Variants in FOXP2 observed in about 807,000 individuals in gnomAD.
FOXP2 encodes forkhead box protein P2.
A neutral mutation model predicts 115.8 loss-of-function variants in FOXP2; 12 were observed. That is an observed-to-expected ratio of 0.10 (90% confidence interval 0.07 to 0.17). FOXP2 has a LOEUF of 0.17. FOXP2 is among the 10% of genes least tolerant of loss of function. The pLI, the probability that FOXP2 is intolerant of heterozygous loss-of-function variation, is 1.00. For synonymous variants in FOXP2, 328 were observed against 297.7 expected, an observed-to-expected ratio of 1.10 and a Z score of -1.05; for missense variants, 629 against 843.5, an observed-to-expected ratio of 0.75 and a Z score of 3.15.
At position 114,572,380 on chromosome 7, in the gene FOXP2, T is replaced by C. The variant is rs369067453; in HGVS notation, c.258+37674T>C. ...AGTATTTGGTCCCCCTAAGCTTTTT[T>C]GTAACAACATTTGAAAGAAAAATAG... On this transcript the variant is annotated intron_variant, in intron 3 of 16. Transcript: ENST00000350908. 1.1e-4 allele frequency among the ~76,000 whole-genome samples: 17 copies of C among 151,876 alleles called. No individual in the cohort carries two copies. In the East Asian group the frequency reaches 2.7e-3, roughly 24 times the overall value.
intron 2 of FOXP2, among the ~76,000 whole-genome samples, chr7:114,387,037 T>A (rs554119915): frequency 6.6e-6 from 1 of 152,344 alleles, no homozygotes; most frequent in African/African-American, 2.4e-5. Flanking sequence ...TACCCAGTCT[T>A]CTGTGACACA....
At chr7:114,187,974 A>C (rs1392037841) in intron 1 of FOXP2, among the ~76,000 whole-genome samples, 2 of 152,132 alleles carry the variant, frequency 1.3e-5, no homozygotes, top group Non-Finnish European at 2.9e-5. Flanking sequence ...TCATGGCCTA[A>C]TCACCTCTTA....
At chr7:114,114,571 T>G (rs1791354815) in intron 1 of FOXP2, among the ~76,000 whole-genome samples, 1 of 152,152 alleles carries the variant, frequency 6.6e-6, no homozygotes, top group South Asian at 2.1e-4. Flanking sequence ...TCTGTTTGTT[T>G]TTTTTCTCCA....
intron 8 of FOXP2, among the ~76,000 whole-genome samples, chr7:114,646,697 T>C (rs994580301): frequency 2.0e-5 from 3 of 152,056 alleles, no homozygotes; most frequent in African/African-American, 7.2e-5. Flanking sequence ...ACAGAGCTAA[T>C]GTAAGTATAC....
At chr7:114,115,315 A>C (rs973496256) in intron 1 of FOXP2, among the ~76,000 whole-genome samples, 2 of 152,180 alleles carry the variant, frequency 1.3e-5, no homozygotes, top group Non-Finnish European at 2.9e-5. Flanking sequence ...CCTCTCCAGA[A>C]GGTTCTCTAA....
chr7:114,215,399 A>G (rs1794460417), intron 1 of FOXP2, among the ~76,000 whole-genome samples: 1 of 152,178 alleles, frequency 6.6e-6, no homozygotes, highest in Non-Finnish European at 1.5e-5. Flanking sequence ...TGGTTTCAAG[A>G]TAATAAAATT....
At chr7:114,218,395 AC>A (rs1794536295) in intron 1 of FOXP2, among the ~76,000 whole-genome samples, 1 of 152,112 alleles carries the variant, frequency 6.6e-6, no homozygotes, top group Admixed American at 6.5e-5. Flanking sequence ...TATTCTTTGC[AC>A]TACATCCCTG....
intron 1 of FOXP2, among the ~76,000 whole-genome samples, chr7:114,416,022 C>T (rs1470108677): frequency 6.6e-6 from 1 of 151,870 alleles, no homozygotes; most frequent in Non-Finnish European, 1.5e-5. Flanking sequence ...TTAGAAACTG[C>T]ATTATATTTC....
intron 2 of FOXP2, among the ~76,000 whole-genome samples, chr7:114,521,685 A>T (rs532860133): frequency 1.3e-5 from 2 of 152,260 alleles, no homozygotes. Flanking sequence ...TTGGATCTTC[A>T]CTTAAAAAAA....
intron 2 of FOXP2, among the ~76,000 whole-genome samples, chr7:114,486,923 C>T (rs1796811207): frequency 6.6e-6 from 1 of 152,170 alleles, no homozygotes; most frequent in Non-Finnish European, 1.5e-5. Flanking sequence ...CAGACTGGCA[C>T]TGAGTGTGCA....
chr7:114,336,936 T>C (rs1340378323), intron 2 of FOXP2, among the ~76,000 whole-genome samples: 1 of 151,568 alleles, frequency 6.6e-6, no homozygotes, highest in Admixed American at 6.6e-5. Context: ...ATTCATCCAG[T>C]TTAATAATTC....
At chr7:114,113,063 A>C (rs544124656) in intron 1 of FOXP2, among the ~76,000 whole-genome samples, 8 of 152,308 alleles carry the variant, frequency 5.3e-5, no homozygotes, top group South Asian at 2.1e-4. Context: ...AAGAATTACA[A>C]AGCTGTGAAA....
chr7:114,289,585 G>A (rs76147739), intron 2 of FOXP2, among the ~76,000 whole-genome samples: 2,646 of 151,862 alleles, frequency 0.017, 39 homozygotes, highest in African/African-American at 0.034. Context: ...TTTATAATAA[G>A]CAGGAATGAT....
chr7:114,654,659 A>G (rs184283882), intron 10 of FOXP2, among the ~76,000 whole-genome samples: 8 of 152,272 alleles, frequency 5.3e-5, no homozygotes, highest in Admixed American at 3.3e-4. Context: ...GTAGTCAGAT[A>G]CACAGACTGT....
At chr7:114,363,777 C>T (rs1380841393) in intron 2 of FOXP2, among the ~76,000 whole-genome samples, 1 of 151,548 alleles carries the variant, frequency 6.6e-6, no homozygotes, top group Non-Finnish European at 1.5e-5. Context: ...CAGACGTTGC[C>T]TTCTTTCATA....
intron 1 of FOXP2, among the ~76,000 whole-genome samples, chr7:114,108,070 A>T (rs372676918): frequency 1.4e-4 from 22 of 152,116 alleles, no homozygotes; most frequent in African/African-American, 4.8e-4. Context: ...GTTCCTAATT[A>T]AAAGTTTTTC....
intron 2 of FOXP2, among the ~76,000 whole-genome samples, chr7:114,468,329 T>A (rs182033099): frequency 6.6e-6 from 1 of 152,260 alleles, no homozygotes; most frequent in East Asian, 1.9e-4. Context: ...TGTGTGTGCA[T>A]GTGTGTATGT....
intron 3 of FOXP2, among the ~76,000 whole-genome samples, chr7:114,570,275 A>G (rs954403325): frequency 5.9e-5 from 9 of 151,910 alleles, no homozygotes; most frequent in Non-Finnish European, 2.9e-5. Context: ...TTTAGTGGCA[A>G]TAATTTTTAT....
chr7:114,524,368 G>A (rs1798762619), intron 2 of FOXP2, among the ~76,000 whole-genome samples: 1 of 152,150 alleles, frequency 6.6e-6, no homozygotes, highest in African/African-American at 2.4e-5. Flanking sequence ...GGCATAACTA[G>A]CAATGCTGTT....
Sources: allele counts gnomAD v4.1 joint callset (sites outside exome capture counted in the v4.1 genomes callset), GRCh38; gene constraint gnomAD v4.1.1; transcripts MANE v1.5; gene names NCBI Gene and HGNC (gene_info 2026-07-23, HGNC 2026-07-21).